TCF4: variants seen among roughly 807,000 people sequenced by gnomAD.
The protein encoded by TCF4 is SL3-3 enhancer factor 2.
A neutral mutation model predicts 82.1 loss-of-function variants in TCF4; 3 were observed. The ratio of observed to expected loss-of-function variants is 0.04; its 90% CI spans 0.02 to 0.09. TCF4 has a LOEUF of 0.09. Among genes scored for constraint, TCF4 ranks in the 10% least tolerant of loss-of-function variants. TCF4 has a pLI of 1.00. For missense variants in TCF4, 518 were observed against 852.7 expected (o/e 0.61, Z 4.89); for synonymous variants, 276 against 309.6 (o/e 0.89, Z 1.14).
intron 12 of TCF4, chr18:55,261,151 A>G: frequency 3.0e-6 from 1 of 334,728 alleles, no homozygotes; most frequent in South Asian, 3.4e-5. Flanking sequence ...TAGCTGGTCA[A>G]TGTGCACCCA....
intron 11 of TCF4, 52 bp from the exon 12 acceptor site, chr18:55,261,585 AT>A: frequency 3.1e-6 from 5 of 1,593,398 alleles, no homozygotes; most frequent in Non-Finnish European, 3.4e-6. Flanking sequence ...ACGTCTAACA[AT>A]TTTCTATTCC....
intron 6 of TCF4, among the ~76,000 whole-genome samples, chr18:55,356,147 T>C (rs1232249887): frequency 6.6e-6 from 1 of 152,188 alleles, no homozygotes; most frequent in Non-Finnish European, 1.5e-5. Flanking sequence ...CTCTTTCTTA[T>C]GTCCCACACA....
At chr18:55,448,690 T>C (rs898307141) in intron 5 of TCF4, among the ~76,000 whole-genome samples, 1 of 152,226 alleles carries the variant, frequency 6.6e-6, no homozygotes, top group Non-Finnish European at 1.5e-5. Context: ...GCAAGCAACA[T>C]TACCGTGTAG....
chr18:55,429,353 T>TAGG (rs2095103031), intron 5 of TCF4, among the ~76,000 whole-genome samples: 5 of 152,324 alleles, frequency 3.3e-5, no homozygotes, highest in Admixed American at 2.0e-4. Context: ...TGACTATACT[T>TAGG]CACACCTGGC....
At chr18:55,248,347 T>A (rs2053949955) in intron 15 of TCF4, among the ~76,000 whole-genome samples, 2 of 152,240 alleles carry the variant, frequency 1.3e-5, no homozygotes, top group South Asian at 4.1e-4. Context: ...TAACAGGCTA[T>A]TTAGAAAATA....
At chr18:55,425,349 C>CT (rs1383139070) in intron 5 of TCF4, among the ~76,000 whole-genome samples, 1,562 of 145,798 alleles carry the variant, frequency 0.011, 22 homozygotes, top group Middle Eastern at 0.055. Flanking sequence ...TTGTTTTTGG[C>CT]TTTTTTTTTT....
intron 6 of TCF4, among the ~76,000 whole-genome samples, chr18:55,390,064 C>A (rs932088134): frequency 6.6e-6 from 1 of 152,080 alleles, no homozygotes; most frequent in African/African-American, 2.4e-5. Flanking sequence ...GGTGAATTAT[C>A]TATTTTTCTC....
chr18:55,454,451 T>C (rs1448131941), intron 5 of TCF4, among the ~76,000 whole-genome samples: 1 of 152,192 alleles, frequency 6.6e-6, no homozygotes, highest in Non-Finnish European at 1.5e-5. Context: ...TCGACAGTCA[T>C]TTATTGAGGT....
chr18:55,354,182 A>G (rs2082933364), intron 6 of TCF4, among the ~76,000 whole-genome samples: 1 of 152,194 alleles, frequency 6.6e-6, no homozygotes, highest in African/African-American at 2.4e-5. Flanking sequence ...CTGTAACCAA[A>G]GAATAAAACA....
At chr18:55,272,813 G>T (rs2060659534) in intron 10 of TCF4, among the ~76,000 whole-genome samples, 1 of 151,990 alleles carries the variant, frequency 6.6e-6, no homozygotes, top group Non-Finnish European at 1.5e-5. Context: ...AATGTCCCCA[G>T]ACATCACCAA....
At chr18:55,378,931 C>T (rs959723602) in intron 6 of TCF4, among the ~76,000 whole-genome samples, 4 of 152,180 alleles carry the variant, frequency 2.6e-5, no homozygotes, top group Admixed American at 1.3e-4. Context: ...TTGAGAACCA[C>T]AAAAGTTGTT....
intron 3 of TCF4, among the ~76,000 whole-genome samples, chr18:55,499,077 G>A (rs930647780): frequency 1.3e-5 from 2 of 152,154 alleles, no homozygotes; most frequent in Admixed American, 6.5e-5. Flanking sequence ...TCCAAGAAAT[G>A]CAAATGTTAG....
intron 15 of TCF4, among the ~76,000 whole-genome samples, chr18:55,242,818 T>C (rs564338267): frequency 8.5e-4 from 130 of 152,194 alleles, no homozygotes; most frequent in African/African-American, 2.9e-3. Flanking sequence ...CCATGTTGGC[T>C]AGGCTGGTCT....
At chr18:55,317,145 A>C (rs2074347010) in intron 8 of TCF4, among the ~76,000 whole-genome samples, 1 of 152,090 alleles carries the variant, frequency 6.6e-6, no homozygotes, top group Non-Finnish European at 1.5e-5. Flanking sequence ...TGAAGCATAA[A>C]AAAAAATTTC....
At chr18:55,309,401 C>T (rs1164129885) in intron 8 of TCF4, among the ~76,000 whole-genome samples, 2 of 152,044 alleles carry the variant, frequency 1.3e-5, no homozygotes, top group Non-Finnish European at 2.9e-5. Context: ...GGATTACAGG[C>T]ATAAGCCACT....
At position 55,247,078 on chromosome 18, in the gene TCF4, C is replaced by T. The variant is rs935199245; in HGVS notation, c.1350+7419G>A. On this transcript the variant is annotated intron_variant, in intron 15 of 19. Transcript: ENST00000354452. ...GCTGCATGCCCGGCTTCTGTGACAA[C>T]GCTACGGACAAAATGAGCAAAGGTG... is the stretch of plus-strand genomic sequence containing the variant. Among the ~76,000 whole-genome samples the T allele has an allele frequency of 2.0e-5, 3 of 152,296 alleles. No individual in the cohort carries two copies. The South Asian group carries it at 6.2e-4, about 32-fold the overall frequency.
rs11431395 is a variant in TCF4 at position 55,223,681 on chromosome 18, CTTTTTT to C, written c.*4348_*4353del. ...TTGAAAACAAGGTGTAACTGTTTAT[CTTTTTT>C]TTTTTTTTTGAAATGTTTTCCCTTT... On this transcript the variant is annotated 3_prime_UTR_variant, in exon 20 of 20. Transcript: ENST00000354452. The C allele has an allele frequency of 1.5e-5, 2 of 137,862 alleles. No individual in the cohort carries two copies. Among genetic ancestry groups the C allele is most frequent in the African/African-American group, 2.6e-5 (1 of 38,212 alleles). The allele number at this position is 137,862 out of a possible 1,614,324, so 8.5% of individuals were successfully genotyped here.
intron 6 of TCF4, among the ~76,000 whole-genome samples, chr18:55,379,550 A>G (rs2091514200): frequency 6.6e-6 from 1 of 152,198 alleles, no homozygotes; most frequent in African/African-American, 2.4e-5. Context: ...ACCAGGAAGA[A>G]GAGGAGGGAG....
chr18:55,251,593 A>AG (rs370881830), intron 15 of TCF4, among the ~76,000 whole-genome samples: 2 of 152,186 alleles, frequency 1.3e-5, no homozygotes, highest in African/African-American at 4.8e-5. Flanking sequence ...AAGCGTACGG[A>AG]GGTCGAGAGG....
Sources: allele counts gnomAD v4.1 joint callset (sites outside exome capture counted in the v4.1 genomes callset), GRCh38; gene constraint gnomAD v4.1.1; transcripts MANE v1.5; gene names NCBI Gene and HGNC (gene_info 2026-07-23, HGNC 2026-07-21).